The following TNIK variants were observed in gnomAD, a reference collection of about 807,000 sequenced individuals.
TNIK encodes the protein TRAF2 and NCK-interacting protein kinase.
A neutral mutation model predicts 191.3 loss-of-function variants in TNIK; 49 were observed. The observed-to-expected ratio is 0.26, with a 90% CI of 0.20 to 0.32. TNIK has a LOEUF of 0.32. Ranked by LOEUF, TNIK falls within the 10% of genes least tolerant of loss-of-function variation. The pLI, the probability that TNIK is intolerant of heterozygous loss-of-function variation, is 1.00. For synonymous variants in TNIK, 594 were observed against 600.9 expected (o/e 0.99, Z 0.17); for missense variants, 1,155 against 1,702.3 (o/e 0.68, Z 5.66).
At chr3:171,251,683 A>C (rs1746241691) in intron 2 of TNIK, among the ~76,000 whole-genome samples, 1 of 152,242 alleles carries the variant, frequency 6.6e-6, no homozygotes, top group African/African-American at 2.4e-5. Flanking sequence ...AATTTTATTT[A>C]GCAAAACTAG....
intron 21 of TNIK, chr3:171,106,640 T>C (rs1266416580): frequency 3.8e-6 from 2 of 525,332 alleles, no homozygotes; most frequent in Non-Finnish European, 3.9e-6. Context: ...ATTTTTCTAA[T>C]GGAAAACGTC....
rs534564463 is a variant in TNIK at position 171,331,901 on chromosome 3, ATTATTT to A, written c.123+37713_123+37718del. Among the ~76,000 whole-genome samples the A allele has an allele frequency of 1.3e-3, 202 of 152,324 alleles. 2 individuals carry two copies. Among genetic ancestry groups the A allele is most frequent in the African/African-American group, 4.5e-3 (189 of 41,582 alleles). On this transcript the variant is annotated intron_variant, in intron 2 of 32. Transcript: ENST00000436636. ...TATATGCTAGAAAACCCCATTTTATATTATTTTTAAAGTAACTTATTCTAATTTTTA... is the reference window on the plus strand; with the variant it reads ...TATATGCTAGAAAACCCCATTTTATATTAAAGTAACTTATTCTAATTTTTA...
At chr3:171,282,265 G>A (rs1052111223) in intron 2 of TNIK, among the ~76,000 whole-genome samples, 9 of 151,734 alleles carry the variant, frequency 5.9e-5, no homozygotes, top group Non-Finnish European at 1.5e-5. Flanking sequence ...CACTGACTTG[G>A]TGCACAGCCA....
At chr3:171,218,966 TTTA>T (rs1316062047) in intron 3 of TNIK, among the ~76,000 whole-genome samples, 1 of 129,682 alleles carries the variant, frequency 7.7e-6, no homozygotes, top group Non-Finnish European at 1.6e-5. Context: ...ATATTAAATA[TTTA>T]TATTTATATT....
At chr3:171,202,728 G>A (rs776650104) in intron 4 of TNIK, among the ~76,000 whole-genome samples, 3 of 152,162 alleles carry the variant, frequency 2.0e-5, no homozygotes, top group South Asian at 2.1e-4. Flanking sequence ...ATTAAGTTAC[G>A]TGTAGCTTCA....
chr3:171,409,928 A>G (rs551111392), intron 1 of TNIK, among the ~76,000 whole-genome samples: 1 of 151,782 alleles, frequency 6.6e-6, no homozygotes, highest in Admixed American at 6.6e-5. Flanking sequence ...TACCTATCCC[A>G]GTGTTTCTTC....
At chr3:171,295,454 C>T (rs757191283) in intron 2 of TNIK, among the ~76,000 whole-genome samples, 4 of 152,164 alleles carry the variant, frequency 2.6e-5, no homozygotes, top group African/African-American at 7.2e-5. Context: ...ACCTCCACCA[C>T]GGGAATCTGG....
rs796107929 is a variant in TNIK, at chr3:171,405,750, T to C, written c.58-36065A>G. Among the ~76,000 whole-genome samples the C allele has an allele frequency of 9.2e-5, 14 of 152,284 alleles. 1 individual carries two copies. The highest frequency in any genetic ancestry group is 3.4e-4 in the African/African-American group (14 of 41,536). ...ATTCTATTTTCAACCAAGTTTAATC[T>C]CCAGAAGTAAGAGTATGATATCTTG... On this transcript the variant is annotated intron_variant, in intron 1 of 32. Coordinates refer to ENST00000436636, the MANE Select transcript of TNIK (RefSeq NM_015028.4).
chr3:171,285,210 G>A (rs1194825569), intron 2 of TNIK, among the ~76,000 whole-genome samples: 1 of 152,138 alleles, frequency 6.6e-6, no homozygotes, highest in Non-Finnish European at 1.5e-5. Flanking sequence ...ATAATTTTTT[G>A]ATAAAACTGT....
At chr3:171,247,534 C>A (rs564302883) in intron 2 of TNIK, among the ~76,000 whole-genome samples, 2 of 151,974 alleles carry the variant, frequency 1.3e-5, no homozygotes, top group Non-Finnish European at 2.9e-5. Flanking sequence ...ACAAGGTTTT[C>A]GGGGGCCGGG....
rs186832133 is a variant in TNIK at position 171,130,183 on chromosome 3, A to C, written c.1609-1305T>G. ...AAACTTGAAAGAGCTATTTTCCCCC[A>C]TCCTCCCTATCCCATTTTGAATCTT... On this transcript the variant is annotated intron_variant, in intron 15 of 32. Coordinates refer to ENST00000436636, the MANE Select transcript of TNIK (RefSeq NM_015028.4). Among the ~76,000 whole-genome samples, 40 of 152,262 alleles carry C rather than the reference A, an allele frequency of 2.6e-4. No homozygotes were observed. In the East Asian group the frequency reaches 7.3e-3, roughly 28 times the overall value.
At chr3:171,139,044 A>C (rs548029472) in intron 14 of TNIK, among the ~76,000 whole-genome samples, 82 of 152,328 alleles carry the variant, frequency 5.4e-4, no homozygotes, top group South Asian at 1.2e-3. Context: ...TAGTCTGTAA[A>C]TGAAATATGA....
chr3:171,430,270 C>T (rs189555043), intron 1 of TNIK, among the ~76,000 whole-genome samples: 21 of 152,192 alleles, frequency 1.4e-4, no homozygotes, highest in African/African-American at 2.4e-5. Context: ...ACCTCTACAC[C>T]TAATTTTAAA....
intron 21 of TNIK, among the ~76,000 whole-genome samples, chr3:171,104,176 G>A (rs1330125569): frequency 6.6e-6 from 1 of 152,006 alleles, no homozygotes; most frequent in Non-Finnish European, 1.5e-5. Flanking sequence ...TGTAGTCAAA[G>A]AAAATTAATC....
At chr3:171,191,623 C>T (rs984079692) in intron 5 of TNIK, among the ~76,000 whole-genome samples, 5 of 152,230 alleles carry the variant, frequency 3.3e-5, no homozygotes, top group African/African-American at 1.2e-4. Flanking sequence ...TTGTGCCTTA[C>T]ATTTAAAAAG....
At chr3:171,085,347 C>A in intron 24 of TNIK, 118 bp from the exon 25 acceptor site, 1 of 947,438 alleles carries the variant, frequency 1.1e-6, no homozygotes, top group Non-Finnish European at 1.5e-6. Context: ...TTCAGGTGTT[C>A]ACATTCTAGT....
At chr3:171,318,561 G>A (rs1754872406) in intron 2 of TNIK, among the ~76,000 whole-genome samples, 1 of 151,868 alleles carries the variant, frequency 6.6e-6, no homozygotes, top group African/African-American at 2.4e-5. Context: ...AAAACCCCTA[G>A]ACATGTTCTT....
At position 171,126,136 on chromosome 3, in the gene TNIK, C is replaced by A; in HGVS notation, c.1789G>T (p.Ala597Ser). The A allele has an allele frequency of 6.5e-7, 1 of 1,540,284 alleles. No homozygotes were observed. The highest frequency in any genetic ancestry group is 1.3e-5 in the South Asian group (1 of 78,272). The change falls in exon 17 of 33, where the codon GCT becomes TCT. Residue 597 changes from alanine to serine, a missense_variant. Ala to Ser is a moderately conservative substitution (Grantham distance 99). Around this residue, in one of 3 missense-constraint regions of TNIK, gnomAD observed 735 missense variants for 848.0 expected, o/e 0.87. Coordinates refer to ENST00000436636, the MANE Select transcript of TNIK (RefSeq NM_015028.4). ...AAGGCAGGTCCCTGGGATTTTACAG[C>A]TACCAGATGTGGGATCTAAGCATCA... is the stretch of plus-strand genomic sequence containing the variant. ...PVDPQIPHLV[A>S]VKSQGPALTA...
At chr3:171,264,244 C>A (rs1006716139) in intron 2 of TNIK, among the ~76,000 whole-genome samples, 1 of 151,458 alleles carries the variant, frequency 6.6e-6, no homozygotes, top group African/African-American at 2.4e-5. Flanking sequence ...ACTGAACTTA[C>A]TATTCACTAT....
Sources: gnomAD v4.1 joint callset for allele counts (sites outside exome capture counted in the v4.1 genomes callset) on GRCh38, gnomAD v4.1.1 for gene constraint, gnomAD v4.1.1 regional missense constraint, MANE v1.5 for transcripts, NCBI Gene and HGNC (gene_info 2026-07-23, HGNC 2026-07-21) for gene names.